YKT6: variants seen among roughly 807,000 people sequenced by gnomAD.
YKT6 encodes the protein YKT6 vesicular SNARE protein.
Under a neutral mutation model 29.3 loss-of-function variants are expected in YKT6, and 12 were observed. The ratio of observed to expected loss-of-function variants is 0.41; its 90% CI spans 0.26 to 0.66. The LOEUF is 0.66. Among genes scored for constraint, YKT6 ranks in the 30% least tolerant of loss-of-function variants. YKT6 has a pLI of 0.32. For synonymous variants in YKT6, 86 were observed against 94.3 expected, an observed-to-expected ratio of 0.91 and a Z score of 0.51; for missense variants, 188 against 243.8, an observed-to-expected ratio of 0.77 and a Z score of 1.52.
Position 44,201,034 on chromosome 7 carries a change from A to C in YKT6, c.-102A>C. 1 of 932,602 alleles carries C rather than the reference A, an allele frequency of 1.1e-6. No homozygotes were observed. Among genetic ancestry groups the C allele is most frequent in the Non-Finnish European group, 1.5e-6 (1 of 657,626 alleles). 57.8% of individuals were successfully genotyped at this position (932,602 alleles called of 1,614,324 possible). A position where few individuals can be genotyped will look rare whatever the true frequency, so the allele number is the denominator to read the frequency against. On this transcript the variant is annotated 5_prime_UTR_variant, in exon 1 of 7. Transcript: ENST00000223369. Reference sequence around the variant, plus strand: ...TGGCCCCGTCAGCAGCCGGCTGCTGAGAGGCCGGTAGGCGGCGGCGGTCCC... The same window carrying C: ...TGGCCCCGTCAGCAGCCGGCTGCTGCGAGGCCGGTAGGCGGCGGCGGTCCC...
At chr7:44,211,942 G>A (rs2096347258) in intron 6 of YKT6, among the ~76,000 whole-genome samples, 1 of 152,216 alleles carries the variant, frequency 6.6e-6, no homozygotes, top group African/African-American at 2.4e-5. Context: ...TGTATTATTG[G>A]TCCTTTGTTT....
intron 1 of YKT6, among the ~76,000 whole-genome samples, chr7:44,204,218 G>A (rs1490467173): frequency 6.6e-6 from 1 of 152,190 alleles, no homozygotes; most frequent in African/African-American, 2.4e-5. Context: ...CCTGCTTCTT[G>A]GAAGTTATTG....
At chr7:44,211,804 A>G (rs1200166401) in intron 6 of YKT6, among the ~76,000 whole-genome samples, 2 of 152,266 alleles carry the variant, frequency 1.3e-5, no homozygotes, top group African/African-American at 4.8e-5. Flanking sequence ...CACAAACCAC[A>G]TCCCAAGTGG....
At chr7:44,205,285 G>A (rs2096339706) in intron 2 of YKT6, among the ~76,000 whole-genome samples, 1 of 152,172 alleles carries the variant, frequency 6.6e-6, no homozygotes, top group African/African-American at 2.4e-5. Context: ...AAGTGAAATC[G>A]CATCACAAAT....
rs754570494 is a variant in YKT6 at position 44,206,377 on chromosome 7, C to G, written c.188-8C>G. ...AGCATCCATGTGTCTGATCTCTTGT[C>G]TCCTTAGACTATCTGTGCCACGTCT... On this transcript the variant is annotated splice_polypyrimidine_tract_variant and splice_region_variant and intron_variant, in intron 2 of 6. Coordinates refer to ENST00000223369, the MANE Select transcript of YKT6 (RefSeq NM_006555.4). 3.1e-6 allele frequency: 5 copies of G among 1,613,854 alleles called. No homozygotes were observed. In the East Asian group the frequency reaches 8.9e-5, roughly 29 times the overall value.
intron 4 of YKT6, 79 bp downstream of exon 4, chr7:44,207,571 GT>G (rs2096342058): frequency 3.2e-6 from 4 of 1,250,530 alleles, no homozygotes; most frequent in Non-Finnish European, 4.6e-6. Flanking sequence ...TGCCCTGATA[GT>G]TCTGGTCTAA....
intron 6 of YKT6, 142 bp downstream of exon 6, chr7:44,211,266 T>A: frequency 1.2e-6 from 1 of 852,230 alleles, no homozygotes; most frequent in Non-Finnish European, 1.8e-6. Context: ...GGCAAGAGCC[T>A]AAGGTGAGCG....
At chr7:44,210,683 C>T in intron 5 of YKT6, 1 of 136,112 alleles carries the variant, frequency 7.3e-6, no homozygotes, top group Non-Finnish European at 1.4e-5. Context: ...TGTGCGTGCA[C>T]ACACACACAC....
At chr7:44,210,101 C>G (rs1455906786) in intron 5 of YKT6, among the ~76,000 whole-genome samples, 1 of 152,044 alleles carries the variant, frequency 6.6e-6, no homozygotes, top group East Asian at 1.9e-4. Context: ...ATAAAACTTA[C>G]TAATGAAGCA....
chr7:44,204,637 T>C lies in YKT6; in HGVS notation c.174T>C (p.Ser58=), dbSNP rs149063532. The C allele has an allele frequency of 7.7e-5, 124 of 1,614,246 alleles. No homozygotes were observed. The highest frequency in any genetic ancestry group is 9.7e-5 in the Non-Finnish European group (115 of 1,180,036). ...GCTCATCGAAAGGCACTAGAGCTTC[T>C]GTCAAAGAACAAGGTAAGAAGACCC... ...VERSSKGTRA[S]VKEQDYLCHV... Residue 58 remains serine, a synonymous_variant, in exon 2 of 7, where the codon TCT becomes TCC. Coordinates refer to ENST00000223369, the MANE Select transcript of YKT6 (RefSeq NM_006555.4).
rs529980027 is a variant in YKT6 at position 44,210,944 on chromosome 7, C to T, written c.460-79C>T. On this transcript the variant is annotated intron_variant, in intron 5 of 6. Coordinates refer to ENST00000223369, the MANE Select transcript of YKT6 (RefSeq NM_006555.4). ...GAGAGGAACCCAGGTAAGGCACTTT[C>T]CCCCATGACTGAAATATGAGGGGCT... 6 of 1,484,948 alleles carry T rather than the reference C, an allele frequency of 4.0e-6. No individual in the cohort carries two copies. In the Admixed American group the frequency reaches 6.8e-5, roughly 17 times the overall value. The allele number at this position is 1,484,948 out of a possible 1,614,324, so 92.0% of individuals were successfully genotyped here.
chr7:44,208,278 C>T, intron 5 of YKT6, 80 bp downstream of exon 5: 1 of 1,487,562 alleles, frequency 6.7e-7, no homozygotes, highest in Non-Finnish European at 9.3e-7. Context: ...ACAGATCCAT[C>T]CTCGTTTTAA....
At position 44,211,256 on chromosome 7, in the gene YKT6, G is replaced by A. The variant is rs551824948; in HGVS notation, c.561+132G>A. ...AATCATGGTGGATGATTCCTTGTGC[G>A]GCAAGAGCCTAAGGTGAGCGCCTCA... is the stretch of plus-strand genomic sequence containing the variant. On this transcript the variant is annotated intron_variant, in intron 6 of 6. Coordinates refer to ENST00000223369, the MANE Select transcript of YKT6 (RefSeq NM_006555.4). The A allele has an allele frequency of 1.2e-5, 11 of 892,844 alleles. No individual in the cohort carries two copies. The East Asian group carries it at 1.7e-4, about 14-fold the overall frequency. 55.3% of individuals were successfully genotyped at this position (892,844 alleles called of 1,614,324 possible).
At chr7:44,208,099 A>G (rs1583648235) in intron 4 of YKT6, 34 bp from the exon 5 acceptor site, 1 of 1,609,328 alleles carries the variant, frequency 6.2e-7, no homozygotes, top group Non-Finnish European at 8.5e-7. Context: ...TAGCCACTCC[A>G]GTCCTGACTT....
chr7:44,211,197 T>G, intron 6 of YKT6, 73 bp downstream of exon 6: 1 of 1,307,454 alleles, frequency 7.6e-7, no homozygotes, highest in Non-Finnish European at 1.1e-6. Context: ...CTTCTGGCAC[T>G]CTCCACTATG....
Position 44,201,125 on chromosome 7 carries a change from G to T in YKT6, c.-11G>T. ...CAGCTGGGCAGGCGGGCGGCCTGAGGGCGCGGAGCCATGAAGCTGTACAGC... is the reference window on the plus strand; with the variant it reads ...CAGCTGGGCAGGCGGGCGGCCTGAGTGCGCGGAGCCATGAAGCTGTACAGC... On this transcript the variant is annotated 5_prime_UTR_variant, in exon 1 of 7. Coordinates refer to ENST00000223369, the MANE Select transcript of YKT6 (RefSeq NM_006555.4). 3.8e-6 allele frequency: 6 copies of T among 1,570,862 alleles called. No homozygotes were observed. Among genetic ancestry groups the T allele is most frequent in the Non-Finnish European group, 5.2e-6 (6 of 1,162,000 alleles).
At chr7:44,201,801 CT>C (rs1203428600) in intron 1 of YKT6, among the ~76,000 whole-genome samples, 2 of 152,052 alleles carry the variant, frequency 1.3e-5, no homozygotes, top group South Asian at 4.1e-4. Flanking sequence ...TAGTGATATA[CT>C]TTTTTTTGTT....
chr7:44,207,851 G>A (rs1280527172), intron 4 of YKT6, among the ~76,000 whole-genome samples: 5 of 151,938 alleles, frequency 3.3e-5, no homozygotes, highest in African/African-American at 7.3e-5. Context: ...TCAGCCTCCC[G>A]AGTAGCTGGG....
intron 5 of YKT6, among the ~76,000 whole-genome samples, chr7:44,209,053 C>T (rs1456046424): frequency 1.3e-5 from 2 of 152,198 alleles, no homozygotes; most frequent in Admixed American, 1.3e-4. Context: ...TTTGTCACTG[C>T]TTGTTTACAT....
Sources: gnomAD v4.1 joint callset for allele counts (sites outside exome capture counted in the v4.1 genomes callset) on GRCh38, gnomAD v4.1.1 for gene constraint, MANE v1.5 for transcripts, NCBI Gene and HGNC (gene_info 2026-07-23, HGNC 2026-07-21) for gene names.